Variants in CSMD1 observed in about 807,000 individuals in gnomAD.
CSMD1 encodes the protein CUB and Sushi multiple domains 1, also known as CUB and sushi domain-containing protein 1.
CSMD1 carries 213 observed loss-of-function variants against 417.5 expected under a neutral mutation model. The observed-to-expected ratio is 0.51, with a 90% CI of 0.46 to 0.57. The LOEUF (loss-of-function observed/expected upper bound fraction) is 0.57. Ranked by LOEUF, CSMD1 falls within the 20% of genes least tolerant of loss-of-function variation. The pLI, the probability that CSMD1 is intolerant of heterozygous loss-of-function variation, is 0.00. For synonymous variants in CSMD1, 2,862 were observed against 1,736.8 expected, an observed-to-expected ratio of 1.65 and a Z score of -16.11; for missense variants, 6,923 against 4,529.7, an observed-to-expected ratio of 1.53 and a Z score of -15.17.
intron 3 of CSMD1, among the ~76,000 whole-genome samples, chr8:4,049,529 T>C (rs774058670): frequency 1.5e-3 from 222 of 152,122 alleles, no homozygotes; most frequent in Non-Finnish European, 1.2e-3. Flanking sequence ...CACTTTGGTC[T>C]CTAGGGCCAA....
At chr8:4,769,238 A>G (rs912699321) in intron 1 of CSMD1, among the ~76,000 whole-genome samples, 1 of 152,208 alleles carries the variant, frequency 6.6e-6, no homozygotes, top group Admixed American at 6.5e-5. Context: ...AGATGCATAT[A>G]AAACACTGGA....
Position 4,872,253 on chromosome 8 carries a change from T to G in CSMD1, c.85+122079A>C, listed in dbSNP as rs189247285. 1.2e-4 allele frequency among the ~76,000 whole-genome samples: 18 copies of G among 152,156 alleles called. No individual in the cohort carries two copies. In the East Asian group the frequency reaches 3.1e-3, roughly 26 times the overall value. On this transcript the variant is annotated intron_variant, in intron 1 of 69. Coordinates refer to ENST00000635120, the MANE Select transcript of CSMD1 (RefSeq NM_033225.6). Reference sequence around the variant, plus strand: ...ACAATATTTACTTCCTTTTTCTCTGTGTGTGTTTTTGCAATACTGCCTGAT... The same window carrying G: ...ACAATATTTACTTCCTTTTTCTCTGGGTGTGTTTTTGCAATACTGCCTGAT...
At chr8:3,649,332 G>T (rs563044270) in intron 7 of CSMD1, among the ~76,000 whole-genome samples, 1 of 152,156 alleles carries the variant, frequency 6.6e-6, no homozygotes, top group Non-Finnish European at 1.5e-5. Context: ...GCATTAAATT[G>T]ACTGTTAGAA....
chr8:4,817,773 A>G (rs1377911875), intron 1 of CSMD1, among the ~76,000 whole-genome samples: 2 of 152,236 alleles, frequency 1.3e-5, no homozygotes, highest in African/African-American at 4.8e-5. Context: ...GGTACTCTCA[A>G]TGTGATTAGA....
Position 4,783,401 on chromosome 8 carries a change from C to T in CSMD1, c.86-145843G>A, listed in dbSNP as rs189252771. ...ACAGTGGCTGTTCCAGCTGAAACTA[C>T]ATTCTGACTCCTCACTCTCAATTCA... On this transcript the variant is annotated intron_variant, in intron 1 of 69. Transcript: ENST00000635120. Among the ~76,000 whole-genome samples the T allele has an allele frequency of 3.3e-5, 5 of 152,332 alleles. No individual in the cohort carries two copies. In the East Asian group the frequency reaches 7.7e-4, roughly 24 times the overall value.
chr8:4,453,162 C>G (rs569921127), intron 2 of CSMD1, among the ~76,000 whole-genome samples: 1 of 151,552 alleles, frequency 6.6e-6, no homozygotes, highest in Non-Finnish European at 1.5e-5. Flanking sequence ...ATGGCACAAG[C>G]CCGTTCCCCC....
At chr8:4,073,103 T>C (rs1799643298) in intron 3 of CSMD1, among the ~76,000 whole-genome samples, 1 of 152,200 alleles carries the variant, frequency 6.6e-6, no homozygotes, top group African/African-American at 2.4e-5. Context: ...TCTTATTTCC[T>C]GTTACCATCA....
chr8:4,547,046 T>A (rs893241524), intron 2 of CSMD1, among the ~76,000 whole-genome samples: 1 of 152,182 alleles, frequency 6.6e-6, no homozygotes, highest in Non-Finnish European at 1.5e-5. Context: ...TCCAAATTCA[T>A]ACATCCAACT....
At chr8:3,258,305 A>G (rs1177789363) in intron 26 of CSMD1, among the ~76,000 whole-genome samples, 1 of 152,204 alleles carries the variant, frequency 6.6e-6, no homozygotes, top group South Asian at 2.1e-4. Context: ...GACACTTTTT[A>G]AAAGAAGACA....
At position 3,309,516 on chromosome 8, in the gene CSMD1, A is replaced by AGCT. The variant is rs558284286; in HGVS notation, c.3632-1016_3632-1014dup. ...AAGATTTAGCTTCTGCAGTACTGAG[A>AGCT]GCTGTATATTCCTTTTATGTGAGGC... On this transcript the variant is annotated intron_variant, in intron 23 of 69. Coordinates refer to ENST00000635120, the MANE Select transcript of CSMD1 (RefSeq NM_033225.6). 1.9e-3 allele frequency among the ~76,000 whole-genome samples: 282 copies of AGCT among 152,318 alleles called. 2 individuals carry two copies. The highest frequency in any genetic ancestry group is 6.2e-3 in the African/African-American group (259 of 41,574).
At chr8:4,284,005 G>C (rs1585156170) in intron 3 of CSMD1, among the ~76,000 whole-genome samples, 2 of 152,096 alleles carry the variant, frequency 1.3e-5, no homozygotes, top group Non-Finnish European at 2.9e-5. Flanking sequence ...GGCCGAGGAA[G>C]GTGAATCACT....
intron 5 of CSMD1, among the ~76,000 whole-genome samples, chr8:3,804,660 T>A (rs1800631355): frequency 6.6e-6 from 1 of 152,040 alleles, no homozygotes. Flanking sequence ...AAAATAGAAG[T>A]GAAAGAAAAA....
intron 7 of CSMD1, among the ~76,000 whole-genome samples, chr8:3,664,036 GTTA>G (rs780023286): frequency 8.5e-5 from 13 of 152,252 alleles, no homozygotes; most frequent in African/African-American, 1.7e-4. Flanking sequence ...CTTAAATTTT[GTTA>G]TTATTATTAA....
intron 1 of CSMD1, among the ~76,000 whole-genome samples, chr8:4,800,854 C>A (rs1193371638): frequency 1.3e-5 from 2 of 152,214 alleles, no homozygotes; most frequent in African/African-American, 4.8e-5. Context: ...GCCCTGAAAC[C>A]TCAACTTTAA....
At chr8:4,306,358 T>C (rs977498932) in intron 3 of CSMD1, among the ~76,000 whole-genome samples, 54 of 151,984 alleles carry the variant, frequency 3.6e-4, no homozygotes, top group African/African-American at 1.1e-3. Context: ...ATGTGACTAA[T>C]CAATGAGCCT....
At chr8:4,174,746 GAAGA>G (rs141819388) in intron 3 of CSMD1, among the ~76,000 whole-genome samples, 7 of 26,172 alleles carry the variant, frequency 2.7e-4, no homozygotes, top group African/African-American at 6.2e-4. Context: ...GGGATGTGAG[GAAGA>G]GGGATGTGAG....
chr8:3,835,614 T>A (rs1031332096), intron 5 of CSMD1, among the ~76,000 whole-genome samples: 1 of 151,828 alleles, frequency 6.6e-6, no homozygotes. Context: ...TAATGCTAAA[T>A]GACGAGTTAA....
chr8:4,220,972 G>A (rs1800995455), intron 3 of CSMD1, among the ~76,000 whole-genome samples: 1 of 152,170 alleles, frequency 6.6e-6, no homozygotes, highest in Admixed American at 6.5e-5. Context: ...GGCGCCCAGA[G>A]GAGCCCTTGG....
chr8:4,329,007 G>C (rs924394607), intron 3 of CSMD1, among the ~76,000 whole-genome samples: 1 of 151,972 alleles, frequency 6.6e-6, no homozygotes, highest in African/African-American at 2.4e-5. Context: ...TATTCCTCTT[G>C]GGCTTCCAAC....
Sources: gnomAD v4.1 joint callset for allele counts (sites outside exome capture counted in the v4.1 genomes callset) on GRCh38, gnomAD v4.1.1 for gene constraint, MANE v1.5 for transcripts, NCBI Gene and HGNC (gene_info 2026-07-23, HGNC 2026-07-21) for gene names.